Variants in AK9 observed in about 807,000 individuals in gnomAD.
The protein encoded by AK9 is adenylate kinase 9.
AK9 carries 191 observed loss-of-function variants against 239.6 expected under a neutral mutation model. The ratio of observed to expected loss-of-function variants is 0.80; its 90% CI spans 0.71 to 0.90. The LOEUF is 0.90. Ranked by LOEUF, AK9 falls within the 40% of genes least tolerant of loss-of-function variation. AK9 has a pLI of 0.00. For synonymous variants in AK9, 689 were observed against 721.0 expected (o/e 0.96, Z 0.71); for missense variants, 1,995 against 2,214.7 (o/e 0.90, Z 1.99).
rs556466689 is a variant in AK9, at chr6:109,560,476, T to C, written c.2751+3121A>G. 2.0e-5 allele frequency among the ~76,000 whole-genome samples: 3 copies of C among 152,286 alleles called. No homozygotes were observed. In the East Asian group the frequency reaches 5.8e-4, roughly 29 times the overall value. Reference sequence around the variant, plus strand: ...CTTCATTTTTTTTTCTTACCAGTAATAGATTTTGAATTTTGTCAAATGCTT... The same window carrying C: ...CTTCATTTTTTTTTCTTACCAGTAACAGATTTTGAATTTTGTCAAATGCTT... On this transcript the variant is annotated intron_variant, in intron 24 of 40. Coordinates refer to ENST00000424296, the MANE Select transcript of AK9 (RefSeq NM_001145128.3).
intron 15 of AK9, 32 bp from the exon 16 acceptor site, chr6:109,612,125 ACGGTATT>A: frequency 7.2e-7 from 1 of 1,392,948 alleles, no homozygotes; most frequent in Admixed American, 2.5e-5. Flanking sequence ...TGCCTAAAGA[ACGGTATT>A]AAAAAAAATG....
intron 8 of AK9, among the ~76,000 whole-genome samples, chr6:109,651,052 A>G (rs569915980): frequency 6.6e-6 from 1 of 150,986 alleles, no homozygotes; most frequent in East Asian, 2.0e-4. Context: ...GGACACAGGA[A>G]TGGGAACATC....
At chr6:109,548,452 G>C (rs1010119592) in intron 25 of AK9, among the ~76,000 whole-genome samples, 1 of 152,076 alleles carries the variant, frequency 6.6e-6, no homozygotes, top group Non-Finnish European at 1.5e-5. Context: ...TGAAAGTTTC[G>C]GGGACAATGC....
chr6:109,592,252 C>T (rs1351733684), intron 17 of AK9, among the ~76,000 whole-genome samples: 1 of 151,984 alleles, frequency 6.6e-6, no homozygotes, highest in Non-Finnish European at 1.5e-5. Flanking sequence ...TACAGCAAAA[C>T]ACAATAATAA....
intron 17 of AK9, among the ~76,000 whole-genome samples, chr6:109,597,654 CAG>C (rs995582713): frequency 6.7e-6 from 1 of 148,870 alleles, no homozygotes; most frequent in Non-Finnish European, 1.5e-5. Context: ...GCCTGGGGGA[CAG>C]AGAGAGACAC....
intron 1 of AK9, among the ~76,000 whole-genome samples, chr6:109,684,209 A>G (rs964214121): frequency 6.6e-6 from 1 of 152,134 alleles, no homozygotes; most frequent in Non-Finnish European, 1.5e-5. Context: ...AGAAAACTGA[A>G]ATTGGACCCC....
chr6:109,667,967 G>A (rs569397447), intron 5 of AK9, among the ~76,000 whole-genome samples: 2 of 152,302 alleles, frequency 1.3e-5, no homozygotes, highest in East Asian at 3.9e-4. Flanking sequence ...AGATCCCTGA[G>A]GAATCGCCAC....
At chr6:109,614,057 T>C (rs1793877408) in intron 15 of AK9, 126 bp downstream of exon 15, 2 of 796,754 alleles carry the variant, frequency 2.5e-6, no homozygotes, top group East Asian at 5.4e-5. Flanking sequence ...AAGGAAATAT[T>C]TAGCTTTTTT....
At chr6:109,676,865 C>G (rs1771833210) in intron 1 of AK9, among the ~76,000 whole-genome samples, 1 of 151,966 alleles carries the variant, frequency 6.6e-6, no homozygotes, top group Non-Finnish European at 1.5e-5. Context: ...CAGTGGTAGA[C>G]TAGATAAAGA....
At chr6:109,667,871 A>G (rs757880808) in intron 5 of AK9, among the ~76,000 whole-genome samples, 2 of 152,202 alleles carry the variant, frequency 1.3e-5, no homozygotes, top group South Asian at 4.1e-4. Context: ...ATATGTGTGC[A>G]TGTGTCCTTA....
intron 17 of AK9, among the ~76,000 whole-genome samples, chr6:109,589,937 C>CT: frequency 6.6e-6 from 1 of 152,056 alleles, no homozygotes. Context: ...GCTGGATTTT[C>CT]TTTGTGTATT....
intron 1 of AK9, among the ~76,000 whole-genome samples, chr6:109,679,257 G>C (rs574389506): frequency 6.6e-6 from 1 of 152,258 alleles, no homozygotes; most frequent in African/African-American, 2.4e-5. Flanking sequence ...TGGGATGCTG[G>C]AGCCTGGCTG....
rs1256782033 is a variant in AK9, at chr6:109,564,294, G to A, written c.2435-14C>T. ...CAGGTAGTACAACTTTGGAGTAAAAGACAAAGGAAAGAAAAAAGGGGCTTT... is the reference window on the plus strand; with the variant it reads ...CAGGTAGTACAACTTTGGAGTAAAAAACAAAGGAAAGAAAAAAGGGGCTTT... On this transcript the variant is annotated splice_polypyrimidine_tract_variant and intron_variant, in intron 22 of 40. Transcript: ENST00000424296. 6.6e-7 allele frequency: 1 copy of A among 1,523,714 alleles called. No individual in the cohort carries two copies. The highest frequency in any genetic ancestry group is 8.8e-7 in the Non-Finnish European group (1 of 1,135,200). 94.4% of individuals were successfully genotyped at this position (1,523,714 alleles called of 1,614,324 possible).
chr6:109,574,288 C>T (rs569734797), intron 20 of AK9, among the ~76,000 whole-genome samples: 264 of 152,148 alleles, frequency 1.7e-3, no homozygotes, highest in African/African-American at 6.2e-3. Flanking sequence ...GCAGGAGAAT[C>T]GCTTGAACCC....
chr6:109,582,981 C>T (rs1189622086), intron 19 of AK9, among the ~76,000 whole-genome samples: 1 of 152,120 alleles, frequency 6.6e-6, no homozygotes, highest in Non-Finnish European at 1.5e-5. Flanking sequence ...ATGATCATCA[C>T]CATGTTATTT....
At chr6:109,689,063 AAC>A (rs1159263195) in intron 1 of AK9, among the ~76,000 whole-genome samples, 1 of 152,194 alleles carries the variant, frequency 6.6e-6, no homozygotes, top group Non-Finnish European at 1.5e-5. Flanking sequence ...CTACTGGGCA[AAC>A]ACAGACCAGC....
At chr6:109,553,500 C>T (rs1184104691) in intron 24 of AK9, among the ~76,000 whole-genome samples, 2 of 152,030 alleles carry the variant, frequency 1.3e-5, no homozygotes, top group Non-Finnish European at 2.9e-5. Flanking sequence ...TGGCTCTCTG[C>T]TTGCCTATTG....
At chr6:109,674,016 C>A (rs1320384398) in intron 3 of AK9, among the ~76,000 whole-genome samples, 182 bp downstream of exon 3, 2 of 150,628 alleles carry the variant, frequency 1.3e-5, no homozygotes, top group Non-Finnish European at 3.0e-5. Context: ...AAATAAAAAC[C>A]CAAGCAGATA....
At chr6:109,573,106 A>G (rs1057454949) in intron 21 of AK9, among the ~76,000 whole-genome samples, 1 of 152,228 alleles carries the variant, frequency 6.6e-6, no homozygotes, top group Non-Finnish European at 1.5e-5. Flanking sequence ...CAAACAAAAA[A>G]ATAGCATGAC....
Sources: gnomAD v4.1 joint callset for allele counts (sites outside exome capture counted in the v4.1 genomes callset) on GRCh38, gnomAD v4.1.1 for gene constraint, MANE v1.5 for transcripts, NCBI Gene and HGNC (gene_info 2026-07-23, HGNC 2026-07-21) for gene names.